C9orf152: variants seen among roughly 807,000 people sequenced by gnomAD.
C9orf152 encodes the protein uncharacterized protein C9orf152.
In C9orf152, 8 loss-of-function variants were observed where a neutral mutation model predicts 8.5. The observed-to-expected ratio is 0.94, with a 90% CI of 0.55 to 1.70. C9orf152 has a LOEUF of 1.70. C9orf152 is among the 40% of genes most tolerant of loss of function. C9orf152 has a pLI of 0.00. For missense variants in C9orf152, 293 were observed against 286.2 expected, an observed-to-expected ratio of 1.02 and a Z score of -0.17; for synonymous variants, 109 against 113.0, an observed-to-expected ratio of 0.96 and a Z score of 0.22.
At chr9:110,204,755 A>T (rs1249894131) in intron 1 of C9orf152, among the ~76,000 whole-genome samples, 1 of 152,214 alleles carries the variant, frequency 6.6e-6, no homozygotes, top group Non-Finnish European at 1.5e-5. Context: ...GCATTAAACA[A>T]TAACGCCCCA....
chr9:110,207,850 C>T lies in C9orf152; in HGVS notation c.-271G>A, dbSNP rs545966582. On this transcript the variant is annotated 5_prime_UTR_variant, in exon 1 of 2. Coordinates refer to ENST00000400613, the MANE Select transcript of C9orf152 (RefSeq NM_001012993.3). ...AAATGTCAGAGGAAAGAAGGGGCAG[C>T]GAAGGGGGAAAGACTGGAGGAAGGA... 4.4e-4 allele frequency: 167 copies of T among 379,990 alleles called. 2 individuals are homozygous for T. Among genetic ancestry groups the T allele is most frequent in the African/African-American group, 3.1e-3 (140 of 45,758 alleles). 23.5% of individuals were successfully genotyped at this position (379,990 alleles called of 1,614,324 possible). A position where few individuals can be genotyped will look rare whatever the true frequency, so the allele number is the denominator to read the frequency against.
chr9:110,207,640 AGG>A lies in C9orf152; in HGVS notation c.-63_-62del. On this transcript the variant is annotated 5_prime_UTR_variant, in exon 1 of 2. Transcript: ENST00000400613. ...GGCAGGACCTGGGGAGGGGAGAGAGAGGGAGGGGGCAGTGAGGGAGAAGGAGA... is the reference window on the plus strand; with the variant it reads ...GGCAGGACCTGGGGAGGGGAGAGAGAGAGGGGGCAGTGAGGGAGAAGGAGA... The A allele has an allele frequency of 7.8e-7, 1 of 1,277,738 alleles. No individual in the cohort carries two copies. The highest frequency in any genetic ancestry group is 2.8e-5 in the East Asian group (1 of 36,094). The allele number at this position is 1,277,738 out of a possible 1,614,324, so 79.2% of individuals were successfully genotyped here. A position where few individuals can be genotyped will look rare whatever the true frequency, so the allele number is the denominator to read the frequency against.
chr9:110,203,370 A>G (rs774745008), intron 1 of C9orf152, among the ~76,000 whole-genome samples: 1 of 152,196 alleles, frequency 6.6e-6, no homozygotes, highest in Non-Finnish European at 1.5e-5. Flanking sequence ...TTATTTGAGA[A>G]CAAGGAAGGA....
At position 110,207,560 on chromosome 9, in the gene C9orf152, G is replaced by A. The variant is rs200090335; in HGVS notation, c.20C>T (p.Pro7Leu). 240 of 1,598,868 alleles carry A rather than the reference G, an allele frequency of 1.5e-4. No individual in the cohort carries two copies. Among genetic ancestry groups the A allele is most frequent in the Non-Finnish European group, 1.9e-4 (225 of 1,174,086 alleles). The change falls in exon 1 of 2, where the codon CCG becomes CTG. Residue 7 changes from proline (P) to leucine (L), a missense_variant. Coordinates refer to ENST00000400613, the MANE Select transcript of C9orf152 (RefSeq NM_001012993.3). The part of the protein sequence containing the change: MEGLPC[P>L]CPALPHFWQL... Reference sequence around the variant, plus strand: ...CCAGAAGTGGGGCAGGGCTGGGCACGGGCAGGGCAACCCCTCCATCCGGAT... The same window carrying A: ...CCAGAAGTGGGGCAGGGCTGGGCACAGGCAGGGCAACCCCTCCATCCGGAT...
At chr9:110,205,269 T>C (rs1342816791) in intron 1 of C9orf152, among the ~76,000 whole-genome samples, 1 of 150,396 alleles carries the variant, frequency 6.6e-6, no homozygotes, top group East Asian at 1.9e-4. Flanking sequence ...ACAAAAAGCC[T>C]TTTTCTCCAC....
intron 1 of C9orf152, among the ~76,000 whole-genome samples, chr9:110,205,880 C>T (rs1410436840): frequency 1.3e-5 from 2 of 151,972 alleles, no homozygotes; most frequent in Non-Finnish European, 2.9e-5. Flanking sequence ...ATGGTGAAAC[C>T]CCATCTCTAC....
chr9:110,207,461 T>G lies in C9orf152; in HGVS notation c.119A>C (p.Gln40Pro), dbSNP rs747364236. The G allele has an allele frequency of 1.9e-6, 3 of 1,613,276 alleles. No individual in the cohort carries two copies. The highest frequency in any genetic ancestry group is 2.5e-6 in the Non-Finnish European group (3 of 1,179,656). The stretch of plus-strand genomic sequence containing the variant: ...GCCTTCATACTGGGCTCGCAGGAAC[T>G]GGATGCTGAGTGGGGGCCCTTTCCC... Reference protein sequence around the residue: ...APGKGPPLSIQFLRAQYEGLK... With the variant: ...APGKGPPLSIPFLRAQYEGLK... The change falls in exon 1 of 2, where the codon CAG (glutamine) becomes CCG (proline). Residue 40 changes from glutamine to proline, a missense_variant. Coordinates refer to ENST00000400613, the MANE Select transcript of C9orf152 (RefSeq NM_001012993.3).
chr9:110,201,130 A>G lies in C9orf152; in HGVS notation c.538T>C (p.Cys180Arg). ...TGIPEAAQLPCQVGNTQTKAV... is the reference protein window; with the variant it reads ...TGIPEAAQLPRQVGNTQTKAV... Reference sequence around the variant, plus strand: ...TTTGTTTGGGTATTGCCCACCTGGCATGGAAGCTGGGCAGCCTCTGGGATT... The same window carrying G: ...TTTGTTTGGGTATTGCCCACCTGGCGTGGAAGCTGGGCAGCCTCTGGGATT... Residue 180 changes from cysteine (C) to arginine (R), a missense_variant, in exon 2 of 2, where the codon TGC (cysteine) becomes CGC (arginine). Physicochemically the swap from Cys to Arg is radical, Grantham distance 180. Transcript: ENST00000400613. 1 of 1,614,226 alleles carries G rather than the reference A, an allele frequency of 6.2e-7. No homozygotes were observed. The highest frequency in any genetic ancestry group is 8.5e-7 in the Non-Finnish European group (1 of 1,180,044).
chr9:110,203,647 A>G (rs889706073), intron 1 of C9orf152, among the ~76,000 whole-genome samples: 2 of 152,200 alleles, frequency 1.3e-5, no homozygotes, highest in African/African-American at 4.8e-5. Flanking sequence ...AGGGTAATTG[A>G]CTGAAGAGTA....
Position 110,200,726 on chromosome 9 carries a change from C to A in C9orf152, c.*222G>T. 1.8e-6 allele frequency: 1 copy of A among 540,768 alleles called. No individual in the cohort carries two copies. The highest frequency in any genetic ancestry group is 3.2e-6 in the Non-Finnish European group (1 of 308,088). The allele number at this position is 540,768 out of a possible 1,614,324, so 33.5% of individuals were successfully genotyped here. ...AATGGGGCTGCACTGACCAGACAGT[C>A]CTCTTCATCCTAAACTGTGGGCAAT... is the stretch of plus-strand genomic sequence containing the variant. On this transcript the variant is annotated 3_prime_UTR_variant, in exon 2 of 2. Coordinates refer to ENST00000400613, the MANE Select transcript of C9orf152 (RefSeq NM_001012993.3).
chr9:110,201,902 C>A (rs574659963), intron 1 of C9orf152, among the ~76,000 whole-genome samples: 1 of 152,236 alleles, frequency 6.6e-6, no homozygotes, highest in African/African-American at 2.4e-5. Context: ...GAGGGTCAAA[C>A]ACTGAAGTGG....
At chr9:110,202,330 G>A (rs990174263) in intron 1 of C9orf152, among the ~76,000 whole-genome samples, 86 of 152,280 alleles carry the variant, frequency 5.6e-4, no homozygotes, top group African/African-American at 2.4e-4. Flanking sequence ...TGATCCGCCC[G>A]CCTCAGACTC....
rs117053286 is a variant in C9orf152, at chr9:110,202,751, C to T, written c.194-1277G>A. 9.8e-4 allele frequency among the ~76,000 whole-genome samples: 149 copies of T among 152,178 alleles called. No homozygotes were observed. In the East Asian group the frequency reaches 0.023, roughly 23 times the overall value. ...GTCACTTAGGTTCACTTATCTGTTC[C>T]GGCACCTGTTATCACAGGAGGCCCT... On this transcript the variant is annotated intron_variant, in intron 1 of 1. Coordinates refer to ENST00000400613, the MANE Select transcript of C9orf152 (RefSeq NM_001012993.3).
At position 110,200,373 on chromosome 9, in the gene C9orf152, G is replaced by A. The variant is rs1837200626; in HGVS notation, c.*575C>T. ...AGCATTGATCTCACCTTCATACCCT[G>A]GGTGACCATACTTTGGGAAGCCCAA... On this transcript the variant is annotated 3_prime_UTR_variant, in exon 2 of 2. Coordinates refer to ENST00000400613, the MANE Select transcript of C9orf152 (RefSeq NM_001012993.3). 6.6e-6 allele frequency: 1 copy of A among 152,570 alleles called. No homozygotes were observed. Among genetic ancestry groups the A allele is most frequent in the Non-Finnish European group, 1.5e-5 (1 of 68,366 alleles). 9.5% of individuals were successfully genotyped at this position (152,570 alleles called of 1,614,324 possible).
rs549122552 is a variant in C9orf152, at chr9:110,199,752, C to A, written c.*1196G>T. 1 of 151,812 alleles carries A rather than the reference C, an allele frequency of 6.6e-6. No individual in the cohort carries two copies. Among genetic ancestry groups the A allele is most frequent in the East Asian group, 1.9e-4 (1 of 5,182 alleles). The allele number at this position is 151,812 out of a possible 1,614,324, so 9.4% of individuals were successfully genotyped here. On this transcript the variant is annotated 3_prime_UTR_variant, in exon 2 of 2. Coordinates refer to ENST00000400613, the MANE Select transcript of C9orf152 (RefSeq NM_001012993.3). ...CTGGATGTAGATGGGCAAGACTGGA[C>A]GGCCATGCAGAGAAAAGAAAGGTGG...
intron 1 of C9orf152, among the ~76,000 whole-genome samples, chr9:110,202,910 C>T (rs1837238592): frequency 6.6e-6 from 1 of 152,092 alleles, no homozygotes; most frequent in Admixed American, 6.5e-5. Context: ...CCAACAATTA[C>T]TCTCCTGTCA....
At chr9:110,203,337 T>A (rs1160747845) in intron 1 of C9orf152, among the ~76,000 whole-genome samples, 6 of 152,172 alleles carry the variant, frequency 3.9e-5, no homozygotes. Context: ...GAAACTTTTA[T>A]AAATATCCAA....
chr9:110,207,324 C>G (rs1195298543), intron 1 of C9orf152, 63 bp downstream of exon 1: 1 of 1,549,856 alleles, frequency 6.5e-7, no homozygotes, highest in Non-Finnish European at 8.8e-7. Flanking sequence ...TGCCTCCCTG[C>G]AGCTCTGCCA....
At chr9:110,206,583 T>C (rs1300534145) in intron 1 of C9orf152, among the ~76,000 whole-genome samples, 1 of 152,162 alleles carries the variant, frequency 6.6e-6, no homozygotes, top group Non-Finnish European at 1.5e-5. Context: ...GCCACTTTTG[T>C]TCCCAAAAGG....
Sources: allele counts gnomAD v4.1 joint callset (sites outside exome capture counted in the v4.1 genomes callset), GRCh38; gene constraint gnomAD v4.1.1; transcripts MANE v1.5; gene names NCBI Gene and HGNC (gene_info 2026-07-23, HGNC 2026-07-21).